The following RAF1 variants were observed in gnomAD, a reference collection of about 807,000 sequenced individuals.
RAF1 encodes the protein RAF proto-oncogene serine/threonine-protein kinase.
Under a neutral mutation model 81.1 loss-of-function variants are expected in RAF1, and 27 were observed. The observed-to-expected ratio is 0.33, with a 90% confidence interval of 0.25 to 0.46. The LOEUF is 0.46. Ranked by LOEUF, RAF1 falls within the 20% of genes least tolerant of loss-of-function variation. The pLI, the probability that RAF1 is intolerant of heterozygous loss-of-function variation, is 1.00. For missense variants in RAF1, 598 were observed against 826.0 expected, an observed-to-expected ratio of 0.72 and a Z score of 3.38; for synonymous variants, 298 against 294.0, an observed-to-expected ratio of 1.01 and a Z score of -0.14.
Position 12,656,964 on chromosome 3 carries a change from G to A in RAF1, c.-27+6849C>T, listed in dbSNP as rs113670123. On this transcript the variant is annotated intron_variant, in intron 1 of 17. Transcript: ENST00000442415. ...GTGAACCAACATCACGCCACTGTAC[G>A]CCAGCCTTTGTGATAAGAGTGAAAC... Among the ~76,000 whole-genome samples, 139 of 149,146 alleles carry A rather than the reference G, an allele frequency of 9.3e-4. 1 individual carries two copies. The highest frequency in any genetic ancestry group is 3.2e-3 in the Admixed American group (47 of 14,792).
chr3:12,647,760 T>C lies in RAF1; in HGVS notation c.-27+16053A>G, dbSNP rs145256118. On this transcript the variant is annotated intron_variant, in intron 1 of 17. Coordinates refer to ENST00000442415, the MANE Select transcript of RAF1 (RefSeq NM_001354689.3). ...CTCTCATGCACTGCAAGGTGATGTG[T>C]ACGTGTCAATATTTTTCGTTTCCTC... 6.9e-3 allele frequency among the ~76,000 whole-genome samples: 1,055 copies of C among 152,340 alleles called. 6 individuals are homozygous for C. The highest frequency in any genetic ancestry group is 0.024 in the African/African-American group (996 of 41,572).
At chr3:12,659,686 G>C (rs1559498158) in intron 1 of RAF1, among the ~76,000 whole-genome samples, 1 of 151,922 alleles carries the variant, frequency 6.6e-6, no homozygotes, top group African/African-American at 2.4e-5. Context: ...CCCAAGATCT[G>C]AACAACTTAA....
chr3:12,600,028 A>C (rs2058809506), intron 10 of RAF1, 124 bp downstream of exon 9: 13 of 1,451,096 alleles, frequency 9.0e-6, no homozygotes, highest in African/African-American at 1.4e-5. Flanking sequence ...TAACATTTAT[A>C]ATCTCCTTCA....
At chr3:12,606,336 G>A (rs2125407403) in intron 5 of RAF1, 37 bp from the exon 6 acceptor site, 1 of 1,477,710 alleles carries the variant, frequency 6.8e-7, no homozygotes, top group Non-Finnish European at 9.4e-7. Flanking sequence ...TTTTAGGCTT[G>A]CAGTAATCTT....
In RAF1 at chr3:12,584,130, C is replaced by G. The variant is rs2058236354; in HGVS notation, c.*384G>C. 3 of 334,292 alleles carry G rather than the reference C, an allele frequency of 9.0e-6. No homozygotes were observed. The highest frequency in any genetic ancestry group is 8.7e-5 in the Admixed American group (2 of 22,978). The allele number at this position is 334,292 out of a possible 1,614,324, so 20.7% of individuals were successfully genotyped here. ...TCCTCCAGAAGCTGATTTCCAAAAT[C>G]CCATGTGTCTCCACATCAGGGCTGG... On this transcript the variant is annotated 3_prime_UTR_variant, in exon 18 of 18. Transcript: ENST00000442415.
At chr3:12,600,879 A>G (rs980481092) in intron 8 of RAF1, among the ~76,000 whole-genome samples, 23 of 152,214 alleles carry the variant, frequency 1.5e-4, no homozygotes, top group African/African-American at 5.5e-4. Flanking sequence ...AGTTTTTCAT[A>G]TATAATGAAA....
intron 12 of RAF1, 42 bp downstream of exon 11, chr3:12,591,666 T>G (rs1314713867): frequency 6.5e-7 from 1 of 1,546,268 alleles, no homozygotes; most frequent in Non-Finnish European, 8.9e-7. Context: ...TACTCCCCAC[T>G]CCAGCACTCC....
intron 2 of RAF1, among the ~76,000 whole-genome samples, chr3:12,612,885 C>A (rs139754550): frequency 2.6e-5 from 4 of 152,046 alleles, no homozygotes; most frequent in South Asian, 2.1e-4. Flanking sequence ...TATAAACAAA[C>A]GAGTTTTTAT....
At chr3:12,641,091 T>C (rs535006597) in intron 1 of RAF1, among the ~76,000 whole-genome samples, 3 of 152,004 alleles carry the variant, frequency 2.0e-5, no homozygotes, top group Non-Finnish European at 2.9e-5. Context: ...GAAACCATCA[T>C]TCTGAGCAAA....
intron 1 of RAF1, among the ~76,000 whole-genome samples, chr3:12,632,391 G>A (rs1345293962): frequency 1.3e-5 from 2 of 151,804 alleles, no homozygotes; most frequent in Non-Finnish European, 2.9e-5. Flanking sequence ...TGAAGCAATG[G>A]ATCACTGTCT....
At chr3:12,658,097 A>G (rs893131487) in intron 1 of RAF1, among the ~76,000 whole-genome samples, 1 of 152,164 alleles carries the variant, frequency 6.6e-6, no homozygotes, top group East Asian at 1.9e-4. Context: ...ACTGAGTAAC[A>G]TTCCATCACA....
chr3:12,635,535 C>G (rs184752223), intron 1 of RAF1, among the ~76,000 whole-genome samples: 2 of 147,552 alleles, frequency 1.4e-5, no homozygotes, highest in East Asian at 4.0e-4. Context: ...ACTTGGGAGG[C>G]TGAGACAGGA....
rs528967831 is a variant in RAF1 at position 12,585,369 on chromosome 3, C to T, written c.1597-116G>A. ...TATGAATGAGTCCATTCTTCAGTCCCCACATAGCTTTTCCCCCAAAGGACT... is the reference window on the plus strand; with the variant it reads ...TATGAATGAGTCCATTCTTCAGTCCTCACATAGCTTTTCCCCCAAAGGACT... On this transcript the variant is annotated intron_variant, in intron 15 of 17. Transcript: ENST00000442415. 1.9e-6 allele frequency: 3 copies of T among 1,556,222 alleles called. No individual in the cohort carries two copies. The South Asian group carries it at 3.5e-5, about 18-fold the overall frequency.
At chr3:12,594,281 G>A (rs530040937) in intron 11 of RAF1, among the ~76,000 whole-genome samples, 1 of 152,252 alleles carries the variant, frequency 6.6e-6, no homozygotes, top group African/African-American at 2.4e-5. Flanking sequence ...AATGGCCAAC[G>A]CTATGACCCA....
intron 1 of RAF1, among the ~76,000 whole-genome samples, chr3:12,660,283 A>AGG (rs1183279497): frequency 6.7e-6 from 1 of 148,376 alleles, no homozygotes; most frequent in Non-Finnish European, 1.5e-5. Context: ...AATACGTTCA[A>AGG]GCCTTCTATT....
At chr3:12,611,001 C>T (rs2059190304) in intron 3 of RAF1, among the ~76,000 whole-genome samples, 1 of 151,576 alleles carries the variant, frequency 6.6e-6, no homozygotes, top group Non-Finnish European at 1.5e-5. Context: ...ACACATTTAA[C>T]TGAATAAAAA....
At chr3:12,641,033 A>G (rs551258667) in intron 1 of RAF1, among the ~76,000 whole-genome samples, 1 of 152,268 alleles carries the variant, frequency 6.6e-6, no homozygotes, top group Admixed American at 6.5e-5. Context: ...CTATGCAGCC[A>G]TAAAAAAGGA....
At chr3:12,661,298 T>TA (rs1357913198) in intron 1 of RAF1, among the ~76,000 whole-genome samples, 2 of 152,340 alleles carry the variant, frequency 1.3e-5, no homozygotes, top group East Asian at 1.9e-4. Context: ...TACAAATAAA[T>TA]AGTTTATAAA....
chr3:12,597,405 G>A (rs990072805), intron 11 of RAF1, among the ~76,000 whole-genome samples: 4 of 151,954 alleles, frequency 2.6e-5, no homozygotes, highest in African/African-American at 9.7e-5. Flanking sequence ...ATTAAACTTG[G>A]GTACAACTTA....
Sources: gnomAD v4.1 joint callset for allele counts (sites outside exome capture counted in the v4.1 genomes callset) on GRCh38, gnomAD v4.1.1 for gene constraint, MANE v1.5 for transcripts, NCBI Gene and HGNC (gene_info 2026-07-23, HGNC 2026-07-21) for gene names.